Variants in PLCG2 observed in about 807,000 individuals in gnomAD.
PLCG2 encodes the protein 1-phosphatidylinositol 4,5-bisphosphate phosphodiesterase gamma-2.
Under a neutral mutation model 175.6 loss-of-function variants are expected in PLCG2, and 69 were observed. That is an observed-to-expected ratio of 0.39 (90% CI 0.32 to 0.48). The LOEUF (loss-of-function observed/expected upper bound fraction) is 0.48. PLCG2 is among the 20% of genes least tolerant of loss of function. The pLI is 0.91. For synonymous variants in PLCG2, 827 were observed against 624.0 expected (o/e 1.33, Z -4.85); for missense variants, 1,798 against 1,650.9 (o/e 1.09, Z -1.54).
At chr16:81,953,113 C>G (rs904691717) in intron 31 of PLCG2, among the ~76,000 whole-genome samples, 7 of 152,122 alleles carry the variant, frequency 4.6e-5, no homozygotes, top group African/African-American at 1.2e-4. Context: ...GACATTCATA[C>G]AAAATAACTG....
intron 28 of PLCG2, 30 bp from the exon 29 acceptor site, chr16:81,938,771 G>A (rs1451326612): frequency 7.1e-7 from 1 of 1,403,008 alleles, no homozygotes; most frequent in Non-Finnish European, 1.0e-6. Context: ...GACCCCAGGG[G>A]GGTTCCAATG....
At chr16:81,800,990 C>T (rs547994333) in intron 2 of PLCG2, among the ~76,000 whole-genome samples, 2 of 152,200 alleles carry the variant, frequency 1.3e-5, no homozygotes, top group East Asian at 3.9e-4. Context: ...GTGGCTTGTG[C>T]AAGCTGGAAA....
At chr16:81,896,961 G>C (rs1908918637) in intron 13 of PLCG2, among the ~76,000 whole-genome samples, 1 of 152,216 alleles carries the variant, frequency 6.6e-6, no homozygotes, top group Non-Finnish European at 1.5e-5. Context: ...GTCTGGGCTG[G>C]AGGTCAACGA....
chr16:81,900,717 C>A lies in PLCG2; in HGVS notation c.1299C>A (p.Pro433=), dbSNP rs1909113123. The part of the protein sequence containing the change: ...EVFGDLLLTK[P]TEASADQLPS... ...TTGGCGACCTGCTGTTGACGAAGCCCACGGAGGCCAGTGCTGACCAGCTGC... is the reference window on the plus strand; with the variant it reads ...TTGGCGACCTGCTGTTGACGAAGCCAACGGAGGCCAGTGCTGACCAGCTGC... Residue 433 remains proline (P), a synonymous_variant, in exon 14 of 33, where the codon CCC becomes CCA. Coordinates refer to ENST00000564138, the MANE Select transcript of PLCG2 (RefSeq NM_002661.5). The A allele has an allele frequency of 1.2e-6, 2 of 1,613,280 alleles. No homozygotes were observed. Among genetic ancestry groups the A allele is most frequent in the Non-Finnish European group, 1.7e-6 (2 of 1,179,396 alleles).
chr16:81,801,800 C>A lies in PLCG2; in HGVS notation c.193+15618C>A, dbSNP rs532608873. On this transcript the variant is annotated intron_variant, in intron 2 of 32. Transcript: ENST00000564138. ...GGTTCAAGCGATTCTCTTGCTTCAG[C>A]TTCCCCAGTAGCTGGGATTACAGTT... Among the ~76,000 whole-genome samples, 6 of 152,114 alleles carry A rather than the reference C, an allele frequency of 3.9e-5. No homozygotes were observed. In the East Asian group the frequency reaches 9.7e-4, roughly 24 times the overall value.
Position 81,818,011 on chromosome 16 carries a change from C to T in PLCG2, c.193+31829C>T, listed in dbSNP as rs372436022. On this transcript the variant is annotated intron_variant, in intron 2 of 32. Transcript: ENST00000564138. ...GGCAAGATTAGAGAGACCTGGTTGT[C>T]ATCTACTCTCTGTTCCTTCCTTTCA... Among the ~76,000 whole-genome samples the T allele has an allele frequency of 2.2e-4, 34 of 152,338 alleles. No homozygotes were observed. The East Asian group carries it at 6.0e-3, about 27-fold the overall frequency.
chr16:81,937,017 C>T (rs1910744360), intron 27 of PLCG2, among the ~76,000 whole-genome samples: 1 of 152,136 alleles, frequency 6.6e-6, no homozygotes, highest in Non-Finnish European at 1.5e-5. Context: ...AGCGCCATTC[C>T]ACAGATGTAG....
chr16:81,801,295 C>T (rs545933255), intron 2 of PLCG2, among the ~76,000 whole-genome samples: 1 of 152,166 alleles, frequency 6.6e-6, no homozygotes, highest in Non-Finnish European at 1.5e-5. Flanking sequence ...CTAGAGAAAT[C>T]AGTATCATGA....
chr16:81,947,293 G>A (rs1911189600), intron 31 of PLCG2, among the ~76,000 whole-genome samples: 1 of 152,182 alleles, frequency 6.6e-6, no homozygotes, highest in South Asian at 2.1e-4. Flanking sequence ...GTTCTAAATG[G>A]AAAGTCGACG....
At chr16:81,742,201 C>T (rs187769079) in intron 1 of PLCG2, among the ~76,000 whole-genome samples, 48 of 151,756 alleles carry the variant, frequency 3.2e-4, no homozygotes, top group African/African-American at 1.0e-3. Flanking sequence ...AGCAGAGTAC[C>T]TCTCAGTCAA....
At chr16:81,934,020 T>C (rs1299345743) in intron 25 of PLCG2, among the ~76,000 whole-genome samples, 2 of 152,204 alleles carry the variant, frequency 1.3e-5, no homozygotes, top group South Asian at 2.1e-4. Context: ...GATAGAGAGT[T>C]ATGACGAGGA....
chr16:81,765,915 A>G (rs556225474), intron 2 of PLCG2, among the ~76,000 whole-genome samples: 1 of 152,382 alleles, frequency 6.6e-6, no homozygotes, highest in East Asian at 1.9e-4. Context: ...GGGCCCCCAC[A>G]GGGAGCTAAC....
At chr16:81,793,422 A>G (rs1597321923) in intron 2 of PLCG2, among the ~76,000 whole-genome samples, 1 of 152,280 alleles carries the variant, frequency 6.6e-6, no homozygotes, top group South Asian at 2.1e-4. Flanking sequence ...ATTTTGTCTC[A>G]GGAGCCGATG....
chr16:81,867,573 T>C (rs1325162772), intron 5 of PLCG2, among the ~76,000 whole-genome samples: 1 of 152,040 alleles, frequency 6.6e-6, no homozygotes, highest in Non-Finnish European at 1.5e-5. Flanking sequence ...AATGTGCATA[T>C]AAGGCACCAC....
intron 2 of PLCG2, among the ~76,000 whole-genome samples, chr16:81,848,464 C>G (rs1051561204): frequency 1.3e-5 from 2 of 152,138 alleles, no homozygotes; most frequent in Admixed American, 6.5e-5. Context: ...TTCTTTCTTT[C>G]TTACCATGCT....
intron 12 of PLCG2, among the ~76,000 whole-genome samples, chr16:81,895,219 C>A (rs1908828504): frequency 6.6e-6 from 1 of 152,186 alleles, no homozygotes; most frequent in African/African-American, 2.4e-5. Context: ...TCAAGGTTTT[C>A]AACAGGTAAA....
chr16:81,934,804 G>GGCT (rs201575604), intron 26 of PLCG2, among the ~76,000 whole-genome samples: 9,499 of 152,222 alleles, frequency 0.062, 305 homozygotes, highest in Non-Finnish European at 0.074. Flanking sequence ...AGTTCCACGT[G>GGCT]GAGGAGGCCT....
rs1395093005 is a variant in PLCG2, at chr16:81,956,739, G to C, written c.3615G>C (p.Arg1205Ser). The change falls in exon 32 of 33, where the codon AGG becomes AGC. Residue 1205 changes from arginine to serine, a missense_variant. Transcript: ENST00000564138. ...ELYSSCRQLR[R>S]RQEELNNQLF... ...ACTCCTCCTGTCGCCAGCTGAGGAG[G>C]CGGCAAGAAGAACTGAACAACCAGC... is the stretch of plus-strand genomic sequence containing the variant. The C allele has an allele frequency of 2.5e-6, 4 of 1,614,024 alleles. No homozygotes were observed. The highest frequency in any genetic ancestry group is 1.3e-5 in the African/African-American group (1 of 74,908).
chr16:81,905,312 C>T (rs1335628461), intron 14 of PLCG2, 91 bp from the exon 15 acceptor site: 1 of 834,500 alleles, frequency 1.2e-6, no homozygotes, highest in East Asian at 2.6e-5. Flanking sequence ...TGCAAAGGCC[C>T]TGCCTGGGAA....
Sources: allele counts gnomAD v4.1 joint callset (sites outside exome capture counted in the v4.1 genomes callset), GRCh38; gene constraint gnomAD v4.1.1; transcripts MANE v1.5; gene names NCBI Gene and HGNC (gene_info 2026-07-23, HGNC 2026-07-21).